Variants in FAM117B observed in about 807,000 individuals in gnomAD.
FAM117B encodes family with sequence similarity 117 member B.
A neutral mutation model predicts 52.8 loss-of-function variants in FAM117B; 22 were observed. That is an observed-to-expected ratio of 0.42 (90% CI 0.30 to 0.59). The LOEUF is 0.59. FAM117B is among the 20% of genes least tolerant of loss of function. FAM117B has a pLI of 0.22. For synonymous variants in FAM117B, 309 were observed against 324.1 expected (o/e 0.95, Z 0.50); for missense variants, 678 against 802.6 (o/e 0.84, Z 1.88).
At chr2:202,653,270 AAAC>A (rs1193004111) in intron 1 of FAM117B, among the ~76,000 whole-genome samples, 1 of 152,184 alleles carries the variant, frequency 6.6e-6, no homozygotes, top group African/African-American at 2.4e-5. Context: ...CCTGTCTCAA[AAAC>A]AACAACAATA....
intron 4 of FAM117B, among the ~76,000 whole-genome samples, chr2:202,754,900 A>AAAT (rs1433946839): frequency 1.3e-5 from 2 of 151,200 alleles, no homozygotes; most frequent in East Asian, 3.9e-4. Context: ...AAAAAAAAAA[A>AAAT]AAAAAAAGAG....
intron 4 of FAM117B, among the ~76,000 whole-genome samples, chr2:202,753,708 A>G (rs1054286572): frequency 1.3e-5 from 2 of 152,184 alleles, no homozygotes; most frequent in Admixed American, 6.5e-5. Context: ...AAGGATATGA[A>G]CAGACTCTTC....
At chr2:202,740,098 A>G (rs1380599643) in intron 4 of FAM117B, among the ~76,000 whole-genome samples, 5 of 132,428 alleles carry the variant, frequency 3.8e-5, no homozygotes, top group Non-Finnish European at 7.8e-5. Context: ...GCGTGCACCC[A>G]GGAGGTGGAG....
At chr2:202,735,023 C>G (rs1326299532) in intron 4 of FAM117B, among the ~76,000 whole-genome samples, 1 of 151,792 alleles carries the variant, frequency 6.6e-6, no homozygotes, top group African/African-American at 2.4e-5. Flanking sequence ...GTGTTTTATT[C>G]TTTGCATTCC....
chr2:202,755,799 T>C (rs1691792234), intron 5 of FAM117B, 118 bp downstream of exon 5: 1 of 1,056,142 alleles, frequency 9.5e-7, no homozygotes, highest in South Asian at 2.1e-5. Context: ...CAAAAATTTA[T>C]CTCTTTTGAA....
intron 1 of FAM117B, among the ~76,000 whole-genome samples, chr2:202,690,709 A>G (rs1690607838): frequency 6.6e-6 from 1 of 152,158 alleles, no homozygotes; most frequent in Non-Finnish European, 1.5e-5. Flanking sequence ...TGTAGGGATC[A>G]AGGCAGTGCA....
At chr2:202,736,285 C>T (rs1691436306) in intron 4 of FAM117B, among the ~76,000 whole-genome samples, 1 of 152,098 alleles carries the variant, frequency 6.6e-6, no homozygotes. Flanking sequence ...AATATAACTG[C>T]AGCTTGGAAG....
At chr2:202,726,456 C>A in intron 4 of FAM117B, 93 bp downstream of exon 4, 1 of 852,186 alleles carries the variant, frequency 1.2e-6, no homozygotes, top group Non-Finnish European at 1.9e-6. Flanking sequence ...GACAAAAATG[C>A]TCAAAAACAT....
chr2:202,725,036 G>A, intron 3 of FAM117B, 27 bp downstream of exon 3: 1 of 1,554,886 alleles, frequency 6.4e-7, no homozygotes, highest in Non-Finnish European at 8.8e-7. Flanking sequence ...TAAGATAGTG[G>A]GTGTGGAAAT....
intron 2 of FAM117B, among the ~76,000 whole-genome samples, chr2:202,697,527 T>C (rs1690730125): frequency 6.6e-6 from 1 of 152,066 alleles, no homozygotes; most frequent in African/African-American, 2.4e-5. Flanking sequence ...CTCAACATTT[T>C]TTGAAGATTT....
intron 1 of FAM117B, among the ~76,000 whole-genome samples, chr2:202,668,940 A>G (rs1449603278): frequency 6.6e-6 from 1 of 152,120 alleles, no homozygotes; most frequent in African/African-American, 2.4e-5. Flanking sequence ...ACAGTGTTAT[A>G]TATAATATAA....
At chr2:202,672,789 C>G (rs1172130487) in intron 1 of FAM117B, among the ~76,000 whole-genome samples, 3 of 152,036 alleles carry the variant, frequency 2.0e-5, no homozygotes, top group Non-Finnish European at 4.4e-5. Context: ...AATCCTAGCA[C>G]TTTGGGAAGC....
chr2:202,730,736 C>T (rs71425958), intron 4 of FAM117B, among the ~76,000 whole-genome samples: 14,038 of 152,038 alleles, frequency 0.092, 881 homozygotes, highest in East Asian at 0.23. Context: ...ACCTCAGCAC[C>T]ATATATAAAA....
chr2:202,635,185 A>G lies in FAM117B; in HGVS notation c.-3A>G. On this transcript the variant is annotated 5_prime_UTR_variant, in exon 1 of 8. Transcript: ENST00000392238. ...CGCCCAGTCACCGGGGAGGGGGGGG[A>G]CCATGTCCCAGCGGGTGAGGCGCAA... is the stretch of plus-strand genomic sequence containing the variant. 7.8e-7 allele frequency: 1 copy of G among 1,275,516 alleles called. No individual in the cohort carries two copies. The highest frequency in any genetic ancestry group is 9.9e-7 in the Non-Finnish European group (1 of 1,009,566). The allele number at this position is 1,275,516 out of a possible 1,614,324, so 79.0% of individuals were successfully genotyped here.
intron 1 of FAM117B, among the ~76,000 whole-genome samples, chr2:202,664,971 A>G (rs1690180797): frequency 6.6e-6 from 1 of 152,186 alleles, no homozygotes; most frequent in African/African-American, 2.4e-5. Context: ...CTCAAAAGCC[A>G]ATATCAAGAT....
chr2:202,635,829 G>A, intron 1 of FAM117B, 41 bp downstream of exon 1: 6 of 1,390,034 alleles, frequency 4.3e-6, no homozygotes, highest in African/African-American at 1.5e-5. Context: ...AGGCGGCTGC[G>A]GGAAGGGGTC....
intron 1 of FAM117B, among the ~76,000 whole-genome samples, chr2:202,640,672 C>A (rs1021737930): frequency 6.6e-6 from 1 of 151,450 alleles, no homozygotes; most frequent in Non-Finnish European, 1.5e-5. Context: ...TGTAGTGGCA[C>A]GATCTCGGCT....
intron 1 of FAM117B, among the ~76,000 whole-genome samples, chr2:202,646,559 CT>C (rs1689866976): frequency 6.6e-6 from 1 of 152,148 alleles, no homozygotes; most frequent in Non-Finnish European, 1.5e-5. Flanking sequence ...TTTTCCCAAT[CT>C]TTTTGTTCTG....
intron 6 of FAM117B, among the ~76,000 whole-genome samples, chr2:202,758,522 G>T (rs1224400919): frequency 6.6e-6 from 1 of 152,220 alleles, no homozygotes; most frequent in East Asian, 1.9e-4. Flanking sequence ...CTGGGCTGTA[G>T]TGCTGCTGCC....
Sources: gnomAD v4.1 joint callset for allele counts (sites outside exome capture counted in the v4.1 genomes callset) on GRCh38, gnomAD v4.1.1 for gene constraint, MANE v1.5 for transcripts, NCBI Gene and HGNC (gene_info 2026-07-23, HGNC 2026-07-21) for gene names.